Variants in SEPTIN10 observed in about 807,000 individuals in gnomAD.
SEPTIN10 encodes septin-10.
In SEPTIN10, 66 loss-of-function variants were observed where a neutral mutation model predicts 54.8. The observed-to-expected ratio is 1.21, with a 90% CI of 0.99 to 1.48. SEPTIN10 has a LOEUF of 1.48. Among genes scored for constraint, SEPTIN10 ranks in the 40% most tolerant of loss-of-function variants. The pLI is 0.00. For missense variants in SEPTIN10, 620 were observed against 545.6 expected (o/e 1.14, Z -1.36); for synonymous variants, 161 against 181.0 (o/e 0.89, Z 0.89).
intron 9 of SEPTIN10, 81 bp from the exon 10 acceptor site, chr2:109,546,318 G>T: frequency 1.1e-6 from 1 of 870,206 alleles, no homozygotes; most frequent in South Asian, 2.1e-5. Flanking sequence ...CACAAAGGCG[G>T]ACCCCATAGC....
intron 1 of SEPTIN10, among the ~76,000 whole-genome samples, chr2:109,612,722 C>A (rs573331038): frequency 3.9e-5 from 6 of 152,204 alleles, no homozygotes; most frequent in Non-Finnish European, 8.8e-5. Context: ...CTCACTCACA[C>A]ATGCACACAA....
At chr2:109,556,517 AG>A (rs1684406012) in intron 8 of SEPTIN10, among the ~76,000 whole-genome samples, 1 of 152,220 alleles carries the variant, frequency 6.6e-6, no homozygotes, top group Non-Finnish European at 1.5e-5. Flanking sequence ...GGTTCCAAGC[AG>A]GAACAGATCC....
intron 4 of SEPTIN10, among the ~76,000 whole-genome samples, chr2:109,578,198 T>G (rs1690178605): frequency 6.6e-6 from 1 of 152,100 alleles, no homozygotes; most frequent in Admixed American, 6.6e-5. Flanking sequence ...TGTCGGTAAT[T>G]ACATTAATTT....
rs1232025412 is a variant in SEPTIN10, at chr2:109,544,114, TTGTAG to T, written c.*190_*194del. 1.3e-6 allele frequency: 2 copies of T among 1,511,268 alleles called. No individual in the cohort carries two copies. The highest frequency in any genetic ancestry group is 1.8e-6 in the Non-Finnish European group (2 of 1,129,150). The allele number at this position is 1,511,268 out of a possible 1,614,324, so 93.6% of individuals were successfully genotyped here. A position where few individuals can be genotyped will look rare whatever the true frequency, so the allele number is the denominator to read the frequency against. ...GATTTTTGAATTAGAGATGCTCAAC[TTGTAG>T]TATCATTCACTCTGGCTTATGTATT... On this transcript the variant is annotated 3_prime_UTR_variant, in exon 11 of 11. Transcript: ENST00000397712.
chr2:109,565,601 GAGGCTCTACACGGCCTCCAGACTT>G (rs1686793168), intron 7 of SEPTIN10, among the ~76,000 whole-genome samples, 138 bp downstream of exon 7: 1 of 152,004 alleles, frequency 6.6e-6, no homozygotes, highest in Non-Finnish European at 1.5e-5. Context: ...TGAGAAGTGG[GAGGCTCTACACGGCCTCCAGACTT>G]TGGCTAAAAT....
chr2:109,613,884 T>C lies in SEPTIN10; in HGVS notation c.-57A>G, dbSNP rs528250060. ...TATCAGCCCGGCCCCGAGCGGCTGG[T>C]CCCGGCGACGGCGGCGGGAAGGCCG... On this transcript the variant is annotated 5_prime_UTR_variant, in exon 1 of 11. Transcript: ENST00000397712. The C allele has an allele frequency of 1.6e-6, 2 of 1,218,910 alleles. No homozygotes were observed. The highest frequency in any genetic ancestry group is 2.0e-6 in the Non-Finnish European group (2 of 981,034). 75.5% of individuals were successfully genotyped at this position (1,218,910 alleles called of 1,614,324 possible).
intron 9 of SEPTIN10, 84 bp from the exon 10 acceptor site, chr2:109,546,321 C>T: frequency 1.2e-6 from 1 of 834,762 alleles, no homozygotes; most frequent in South Asian, 2.2e-5. Context: ...AAAGGCGGAC[C>T]CCATAGCGCA....
intron 5 of SEPTIN10, among the ~76,000 whole-genome samples, chr2:109,571,257 A>G (rs1688312724): frequency 6.6e-6 from 1 of 152,228 alleles, no homozygotes; most frequent in South Asian, 2.1e-4. Flanking sequence ...CCAGTCTCAG[A>G]TAGTTCTTTA....
At chr2:109,589,235 C>G (rs1693377930) in intron 2 of SEPTIN10, among the ~76,000 whole-genome samples, 3 of 152,070 alleles carry the variant, frequency 2.0e-5, no homozygotes, top group Admixed American at 1.3e-4. Context: ...CTCCACCTCC[C>G]AGGTTCAAGT....
chr2:109,544,926 CA>C, intron 10 of SEPTIN10: 1 of 979,616 alleles, frequency 1.0e-6, no homozygotes, highest in Non-Finnish European at 1.2e-6. Context: ...TCCTCTTTTC[CA>C]AAAAAACAAA....
At chr2:109,574,467 T>C (rs1053372150) in intron 5 of SEPTIN10, 114 bp downstream of exon 5, 3 of 508,670 alleles carry the variant, frequency 5.9e-6, no homozygotes, top group East Asian at 4.3e-5. Context: ...AAAAAAAAAA[T>C]TTAAAAAAGA....
chr2:109,603,542 TA>T (rs149395702), intron 1 of SEPTIN10, among the ~76,000 whole-genome samples: 9,793 of 152,106 alleles, frequency 0.064, 748 homozygotes, highest in East Asian at 0.24. Context: ...CCCGGCCTCA[TA>T]ATATTATTTT....
In SEPTIN10 at chr2:109,585,249, G is replaced by A. The variant is rs1180014322; in HGVS notation, c.290C>T (p.Ser97Leu). 13 of 1,613,024 alleles carry A rather than the reference G, an allele frequency of 8.1e-6. No individual in the cohort carries two copies. Among genetic ancestry groups the A allele is most frequent in the South Asian group, 1.1e-5 (1 of 90,900 alleles). Residue 97 changes from serine (S) to leucine (L), a missense_variant, in exon 4 of 11, where the codon TCA (serine) becomes TTA (leucine). Coordinates refer to ENST00000397712, the MANE Select transcript of SEPTIN10 (RefSeq NM_144710.5). Reference sequence around the variant, plus strand: ...AAGTTTAACATTTGGGCAAAAATGTGAGGATTCATAGTCTTCAAAATTAGT... The same window carrying A: ...AAGTTTAACATTTGGGCAAAAATGTAAGGATTCATAGTCTTCAAAATTAGT... Reference protein sequence around the residue: ...FNTNFEDYESSHFCPNVKLKA... With the variant: ...FNTNFEDYESLHFCPNVKLKA...
chr2:109,545,790 C>G, intron 10 of SEPTIN10: 1 of 1,426,902 alleles, frequency 7.0e-7, no homozygotes, highest in South Asian at 1.6e-5. Flanking sequence ...ATCCTTTTCA[C>G]ACTGTGATGT....
At position 109,606,273 on chromosome 2, in the gene SEPTIN10, G is replaced by C. The variant is rs541934094; in HGVS notation, c.30+7525C>G. Among the ~76,000 whole-genome samples, 105 of 152,200 alleles carry C rather than the reference G, an allele frequency of 6.9e-4. 1 individual carries two copies. The highest frequency in any genetic ancestry group is 2.5e-3 in the African/African-American group (103 of 41,548). On this transcript the variant is annotated intron_variant, in intron 1 of 10. Transcript: ENST00000397712. ...CTACTAGAACTACAAAAATTAGCTGGGTGTGGTGGCACATGCCTGTAATCC... is the reference window on the plus strand; with the variant it reads ...CTACTAGAACTACAAAAATTAGCTGCGTGTGGTGGCACATGCCTGTAATCC...
intron 6 of SEPTIN10, among the ~76,000 whole-genome samples, chr2:109,566,514 A>G (rs752341426): frequency 9.2e-5 from 14 of 152,258 alleles, no homozygotes; most frequent in Middle Eastern, 3.4e-3. Context: ...ACAGTATACA[A>G]AATGTATATG....
intron 5 of SEPTIN10, among the ~76,000 whole-genome samples, chr2:109,571,379 G>C (rs1030574682): frequency 1.3e-5 from 2 of 152,126 alleles, no homozygotes; most frequent in Non-Finnish European, 2.9e-5. Context: ...CACAAACCTG[G>C]ATGTTATAGC....
rs373740710 is a variant in SEPTIN10, at chr2:109,564,512, G to C, written c.882C>G (p.Asp294Glu). 3.3e-6 allele frequency: 5 copies of C among 1,525,002 alleles called. No individual in the cohort carries two copies. Among genetic ancestry groups the C allele is most frequent in the Non-Finnish European group, 4.4e-6 (5 of 1,129,518 alleles). 94.5% of individuals were successfully genotyped at this position (1,525,002 alleles called of 1,614,324 possible). A position where few individuals can be genotyped will look rare whatever the true frequency, so the allele number is the denominator to read the frequency against. Residue 294 changes from aspartate to glutamate, a missense_variant, in exon 8 of 11, where the codon GAC becomes GAG. By Grantham distance (45) the Asp-to-Glu change is conservative (BLOSUM62 2). Coordinates refer to ENST00000397712, the MANE Select transcript of SEPTIN10 (RefSeq NM_144710.5). ...VVQVENENHC[D>E]FVKLREMLIC... ...TGAGCATTTCCCGCAGCTTTACAAA[G>C]TCACAGTGGTTTTCATTTTCCACTA...
At chr2:109,581,249 G>A (rs1691043422) in intron 4 of SEPTIN10, among the ~76,000 whole-genome samples, 1 of 152,228 alleles carries the variant, frequency 6.6e-6, no homozygotes, top group Non-Finnish European at 1.5e-5. Flanking sequence ...ACACCAGCCT[G>A]ACCAACATGG....
Sources: gnomAD v4.1 joint callset for allele counts (sites outside exome capture counted in the v4.1 genomes callset) on GRCh38, gnomAD v4.1.1 for gene constraint, MANE v1.5 for transcripts, NCBI Gene and HGNC (gene_info 2026-07-23, HGNC 2026-07-21) for gene names.